The following TM9SF3 variants were observed in gnomAD, a reference collection of about 807,000 sequenced individuals.
TM9SF3 encodes transmembrane 9 superfamily member 3, also known as SM-11044-binding protein.
TM9SF3 carries 14 observed loss-of-function variants against 78.6 expected under a neutral mutation model. That is an observed-to-expected ratio of 0.18 (90% confidence interval 0.12 to 0.28). The LOEUF (loss-of-function observed/expected upper bound fraction) is 0.28. TM9SF3 is among the 10% of genes least tolerant of loss of function. The probability of loss-of-function intolerance (pLI) is 1.00; values close to 1 mark genes in which losing one functional copy is unlikely to be tolerated. For synonymous variants in TM9SF3, 231 were observed against 241.7 expected, an observed-to-expected ratio of 0.96 and a Z score of 0.41; for missense variants, 496 against 721.9, an observed-to-expected ratio of 0.69 and a Z score of 3.59.
chr10:96,585,562 A>C (rs1848619441), intron 1 of TM9SF3, among the ~76,000 whole-genome samples: 1 of 152,248 alleles, frequency 6.6e-6, no homozygotes, highest in African/African-American at 2.4e-5. Flanking sequence ...CTGTGACCGA[A>C]GGTAGAACAG....
chr10:96,565,532 T>C, intron 2 of TM9SF3, 106 bp from the exon 3 acceptor site: 2 of 1,275,196 alleles, frequency 1.6e-6, no homozygotes, highest in Non-Finnish European at 2.1e-6. Context: ...TTAAAATTTC[T>C]ATTCACAATA....
intron 11 of TM9SF3, among the ~76,000 whole-genome samples, chr10:96,530,277 T>C (rs1847881293): frequency 6.6e-6 from 1 of 152,212 alleles, no homozygotes; most frequent in South Asian, 2.1e-4. Context: ...GGTCTACCAT[T>C]CTTTAACACA....
rs758741680 is a variant in TM9SF3 at position 96,551,397 on chromosome 10, T to C, written c.807A>G (p.Gly269=). 6 of 1,608,130 alleles carry C rather than the reference T, an allele frequency of 3.7e-6. No homozygotes were observed. In the Admixed American group the frequency reaches 5.1e-5, roughly 14 times the overall value. The change falls in exon 7 of 15, where the codon GGA becomes GGG. Residue 269 remains glycine (G), a synonymous_variant. Transcript: ENST00000371142. ...EEMDDMDRDL[G]DEYGWKQVHG... ...GCACCTGTTTCCATCCATATTCATC[T>C]CCTAGGTCTCTATCCTATATACAAA... is the stretch of plus-strand genomic sequence containing the variant.
intron 1 of TM9SF3, among the ~76,000 whole-genome samples, chr10:96,578,838 C>T (rs1434634774): frequency 3.3e-5 from 5 of 152,192 alleles, no homozygotes; most frequent in African/African-American, 4.8e-5. Context: ...GACCTTGGGA[C>T]GCCAAAGCAG....
At chr10:96,562,241 C>G in intron 3 of TM9SF3, 103 bp from the exon 4 acceptor site, 1 of 796,994 alleles carries the variant, frequency 1.3e-6, no homozygotes, top group South Asian at 1.7e-5. Flanking sequence ...TTTTTTACCT[C>G]CGCCCTCTCT....
intron 1 of TM9SF3, among the ~76,000 whole-genome samples, chr10:96,578,782 A>T (rs1036551280): frequency 3.3e-5 from 5 of 152,216 alleles, no homozygotes; most frequent in African/African-American, 1.2e-4. Flanking sequence ...ATTAGAATTA[A>T]AACTTGTTCA....
intron 7 of TM9SF3, among the ~76,000 whole-genome samples, chr10:96,548,521 C>G (rs2011190): frequency 0.2 from 31,094 of 151,986 alleles, 3,544 homozygotes; most frequent in Admixed American, 0.3. Flanking sequence ...TTTTAGGCCG[C>G]GCACAGTGGC....
At chr10:96,548,772 T>C (rs957201473) in intron 7 of TM9SF3, among the ~76,000 whole-genome samples, 1 of 128,584 alleles carries the variant, frequency 7.8e-6, no homozygotes, top group Non-Finnish European at 1.5e-5. Context: ...CACTCCAGCC[T>C]GGATGTCAAA....
chr10:96,536,147 T>C (rs1847956313), intron 9 of TM9SF3, among the ~76,000 whole-genome samples: 1 of 151,608 alleles, frequency 6.6e-6, no homozygotes, highest in Non-Finnish European at 1.5e-5. Flanking sequence ...GAACTACAAA[T>C]AGAAGGGAAC....
intron 14 of TM9SF3, among the ~76,000 whole-genome samples, chr10:96,525,463 G>C (rs950358434): frequency 6.6e-6 from 1 of 151,906 alleles, no homozygotes; most frequent in African/African-American, 2.4e-5. Flanking sequence ...GCACACACAT[G>C]ATCACATACA....
rs1034032443 is a variant in TM9SF3 at position 96,565,081 on chromosome 10, T to C, written c.421+223A>G. Among the ~76,000 whole-genome samples the C allele has an allele frequency of 2.0e-5, 3 of 152,162 alleles. No individual in the cohort carries two copies. The East Asian group carries it at 5.8e-4, about 29-fold the overall frequency. On this transcript the variant is annotated intron_variant, in intron 3 of 14. Transcript: ENST00000371142. ...CATTCTTGAATCTGAAAAGTTATAC[T>C]ATAAAAAAGTTATATTTTAGGCAAG...
At chr10:96,543,996 G>T in intron 9 of TM9SF3, 80 bp downstream of exon 9, 1 of 1,404,236 alleles carries the variant, frequency 7.1e-7, no homozygotes, top group Admixed American at 2.2e-5. Context: ...CATCTAATAA[G>T]AAGTATTTTG....
intron 10 of TM9SF3, among the ~76,000 whole-genome samples, chr10:96,531,984 G>A (rs1172525360): frequency 2.0e-5 from 3 of 152,108 alleles, no homozygotes; most frequent in Admixed American, 2.0e-4. Context: ...ACCGAGGTGG[G>A]CAGATCACGA....
At chr10:96,533,318 T>C (rs1847919356) in intron 9 of TM9SF3, 128 bp from the exon 10 acceptor site, 1 of 1,186,796 alleles carries the variant, frequency 8.4e-7, no homozygotes, top group Non-Finnish European at 1.2e-6. Flanking sequence ...TGAGCTAAAA[T>C]TGTGCAAGAA....
intron 4 of TM9SF3, chr10:96,560,246 GTGAACTAAAGGCCAACAAAGA>G (rs1208272705): frequency 5.8e-6 from 5 of 866,888 alleles, no homozygotes; most frequent in African/African-American, 1.6e-5. Context: ...CTTTTCAGTT[GTGAACTAAAGGCCAACAAAGA>G]TGATCACTTT....
chr10:96,579,438 T>C (rs1468606341), intron 1 of TM9SF3, among the ~76,000 whole-genome samples: 2 of 152,172 alleles, frequency 1.3e-5, no homozygotes, highest in African/African-American at 2.4e-5. Context: ...TTTTTGAAAA[T>C]AAATACCTTT....
intron 2 of TM9SF3, among the ~76,000 whole-genome samples, chr10:96,572,147 A>T (rs1445406076): frequency 6.6e-6 from 1 of 152,206 alleles, no homozygotes; most frequent in Non-Finnish European, 1.5e-5. Context: ...ATCAAGGTGG[A>T]GCTACAGACC....
At chr10:96,555,513 T>C (rs1052690345) in intron 5 of TM9SF3, among the ~76,000 whole-genome samples, 24 of 152,208 alleles carry the variant, frequency 1.6e-4, no homozygotes, top group African/African-American at 5.8e-4. Flanking sequence ...GATTAGGACA[T>C]ATGTTAACTT....
chr10:96,572,765 C>T (rs1848451675), intron 2 of TM9SF3, among the ~76,000 whole-genome samples: 1 of 152,016 alleles, frequency 6.6e-6, no homozygotes, highest in Admixed American at 6.5e-5. Flanking sequence ...ATCCACCCGC[C>T]TCAGCCTCCC....
Sources: allele counts gnomAD v4.1 joint callset (sites outside exome capture counted in the v4.1 genomes callset), GRCh38; gene constraint gnomAD v4.1.1; transcripts MANE v1.5; gene names NCBI Gene and HGNC (gene_info 2026-07-23, HGNC 2026-07-21).